DOCK1: variants seen among roughly 807,000 people sequenced by gnomAD.
The protein encoded by DOCK1 is dedicator of cytokinesis 1, also known as dedicator of cytokinesis protein 1.
DOCK1 carries 138 observed loss-of-function variants against 262.7 expected under a neutral mutation model. That is an observed-to-expected ratio of 0.53 (90% CI 0.46 to 0.61). The LOEUF (loss-of-function observed/expected upper bound fraction) is 0.61, where lower values mean the gene tolerates loss of function less well. DOCK1 is among the 20% of genes least tolerant of loss of function. The pLI is 0.00. For synonymous variants in DOCK1, 866 were observed against 867.4 expected (o/e 1.00, Z 0.03); for missense variants, 1,908 against 2,370.7 (o/e 0.80, Z 4.05).
At chr10:127,255,786 G>A (rs889405122) in intron 28 of DOCK1, among the ~76,000 whole-genome samples, 2 of 152,212 alleles carry the variant, frequency 1.3e-5, no homozygotes, top group Admixed American at 1.3e-4. Flanking sequence ...GCTTTGAGAA[G>A]TAATCATCAA....
chr10:127,031,775 A>C, intron 17 of DOCK1, 22 bp downstream of exon 17: 1 of 1,597,864 alleles, frequency 6.3e-7, no homozygotes, highest in Non-Finnish European at 8.5e-7. Flanking sequence ...CATTGGTGCA[A>C]TATTGCTGCT....
At chr10:127,372,070 T>C (rs2065237336) in intron 33 of DOCK1, among the ~76,000 whole-genome samples, 1 of 152,082 alleles carries the variant, frequency 6.6e-6, no homozygotes, top group African/African-American at 2.4e-5. Flanking sequence ...GAGGAGACCA[T>C]GGAGAAGATC....
At chr10:127,310,994 C>T (rs2062044322) in intron 29 of DOCK1, among the ~76,000 whole-genome samples, 1 of 152,142 alleles carries the variant, frequency 6.6e-6, no homozygotes, top group Admixed American at 6.5e-5. Flanking sequence ...AACACTTTTT[C>T]AGTGTGTTTT....
At position 126,991,541 on chromosome 10, in the gene DOCK1, T is replaced by TTTG. The variant is rs2039786991; in HGVS notation, c.473+940_473+941insGTT. Among the ~76,000 whole-genome samples the TTTG allele has an allele frequency of 2.0e-5, 3 of 151,622 alleles. No individual in the cohort carries two copies. The East Asian group carries it at 5.8e-4, about 30-fold the overall frequency. On this transcript the variant is annotated intron_variant, in intron 6 of 51. Transcript: ENST00000623213. Reference sequence around the variant, plus strand: ...GTGTTTTTTTTTTGTTTGTTTGTTTTTTTTTGAGATGGAGTTTCGGCCTTG... The same window carrying TTTG: ...GTGTTTTTTTTTTGTTTGTTTGTTTTTTGTTTTTGAGATGGAGTTTCGGCCTTG...
chr10:127,414,239 A>T (rs2068029964), intron 43 of DOCK1, among the ~76,000 whole-genome samples: 1 of 152,136 alleles, frequency 6.6e-6, no homozygotes. Flanking sequence ...CTGGCATTCC[A>T]TTATCCCATC....
At chr10:127,004,784 C>CCCCCCCCCCA (rs1554970531) in intron 10 of DOCK1, among the ~76,000 whole-genome samples, 1 of 98,414 alleles carries the variant, frequency 1.0e-5, no homozygotes, top group Non-Finnish European at 2.2e-5. Context: ...CCCCCCGCCC[C>CCCCCCCCCCA]AAAAAAAAGA....
intron 40 of DOCK1, among the ~76,000 whole-genome samples, chr10:127,405,849 C>G (rs961282665): frequency 1.3e-5 from 2 of 152,156 alleles, no homozygotes; most frequent in Non-Finnish European, 2.9e-5. Flanking sequence ...TTGCCTTCAT[C>G]GTGCAGCAAA....
At chr10:126,948,831 T>C (rs2035881199) in intron 1 of DOCK1, among the ~76,000 whole-genome samples, 1 of 152,038 alleles carries the variant, frequency 6.6e-6, no homozygotes, top group South Asian at 2.1e-4. Flanking sequence ...AAGGGAACCT[T>C]GCCCCCTATG....
At chr10:126,929,985 G>C (rs1416298974) in intron 1 of DOCK1, among the ~76,000 whole-genome samples, 1 of 152,118 alleles carries the variant, frequency 6.6e-6, no homozygotes, top group Non-Finnish European at 1.5e-5. Flanking sequence ...TCTTCCCCCA[G>C]CTCCTGGCCA....
intron 23 of DOCK1, among the ~76,000 whole-genome samples, chr10:127,064,670 C>T (rs1272223295): frequency 6.6e-6 from 1 of 152,358 alleles, no homozygotes; most frequent in African/African-American, 2.4e-5. Flanking sequence ...CCAGATGTTT[C>T]AGTACCGCCT....
chr10:126,926,244 T>C (rs1162775151), intron 1 of DOCK1, among the ~76,000 whole-genome samples: 1 of 151,622 alleles, frequency 6.6e-6, no homozygotes, highest in Non-Finnish European at 1.5e-5. Context: ...TCTGTTTTCT[T>C]TTCTTTCTTT....
intron 29 of DOCK1, among the ~76,000 whole-genome samples, chr10:127,268,503 C>CAAAAAAAAAAAA (rs56689236): frequency 1.4e-5 from 1 of 70,150 alleles, no homozygotes; most frequent in Non-Finnish European, 2.5e-5. Context: ...GACTCCACCT[C>CAAAAAAAAAAAA]AAAAAAAAAA....
chr10:127,047,686 C>T (rs1437144398), intron 21 of DOCK1, among the ~76,000 whole-genome samples: 1 of 152,160 alleles, frequency 6.6e-6, no homozygotes, highest in African/African-American at 2.4e-5. Context: ...CACTCCCAGA[C>T]AAGCAGCCAC....
chr10:127,338,310 A>G (rs999164376), intron 29 of DOCK1, among the ~76,000 whole-genome samples: 7 of 152,384 alleles, frequency 4.6e-5, no homozygotes, highest in Admixed American at 4.6e-4. Context: ...TTGGTATTCT[A>G]GAGTCACGTG....
chr10:127,063,676 G>A (rs1289907687), intron 23 of DOCK1, among the ~76,000 whole-genome samples: 2 of 152,172 alleles, frequency 1.3e-5, no homozygotes, highest in African/African-American at 4.8e-5. Context: ...CGTGTGTAGT[G>A]TAAGAATAGA....
At chr10:127,440,371 CAG>C (rs1200554955) in intron 49 of DOCK1, among the ~76,000 whole-genome samples, 2 of 152,120 alleles carry the variant, frequency 1.3e-5, no homozygotes, top group African/African-American at 4.8e-5. Flanking sequence ...CGAGCTGTAT[CAG>C]AGTCTGAGTG....
At chr10:126,916,317 A>G (rs544601426) in intron 1 of DOCK1, among the ~76,000 whole-genome samples, 1 of 152,364 alleles carries the variant, frequency 6.6e-6, no homozygotes, top group Non-Finnish European at 1.5e-5. Context: ...TTAACTTCTT[A>G]TAGAGAAAAT....
intron 23 of DOCK1, among the ~76,000 whole-genome samples, chr10:127,095,204 T>C (rs2047835234): frequency 6.6e-6 from 1 of 152,154 alleles, no homozygotes. Context: ...GTTGGCTAAG[T>C]CTTTCTCTTT....
chr10:127,442,982 G>C (rs1255452312), intron 49 of DOCK1, among the ~76,000 whole-genome samples: 2 of 152,206 alleles, frequency 1.3e-5, no homozygotes. Context: ...CCACATGCTG[G>C]GCGGCTCCAA....
Sources: allele counts gnomAD v4.1 joint callset (sites outside exome capture counted in the v4.1 genomes callset), GRCh38; gene constraint gnomAD v4.1.1; transcripts MANE v1.5; gene names NCBI Gene and HGNC (gene_info 2026-07-23, HGNC 2026-07-21).